The following IGF2R variants were observed in gnomAD, a reference collection of about 807,000 sequenced individuals.
IGF2R encodes the protein insulin like growth factor 2 receptor.
Under a neutral mutation model 270.6 loss-of-function variants are expected in IGF2R, and 91 were observed. That is an observed-to-expected ratio of 0.34 (90% CI 0.28 to 0.40). The LOEUF (loss-of-function observed/expected upper bound fraction) is 0.40, where lower values mean the gene tolerates loss of function less well. IGF2R is among the 10% of genes least tolerant of loss of function. The probability of loss-of-function intolerance (pLI) is 1.00; values close to 1 mark genes in which losing one functional copy is unlikely to be tolerated. For synonymous variants in IGF2R, 1,316 were observed against 1,258.9 expected (o/e 1.05, Z -0.96); for missense variants, 2,805 against 3,188.3 (o/e 0.88, Z 2.90).
At chr6:159,982,099 A>T (rs1401440348) in intron 1 of IGF2R, among the ~76,000 whole-genome samples, 1 of 152,200 alleles carries the variant, frequency 6.6e-6, no homozygotes, top group Non-Finnish European at 1.5e-5. Context: ...AGGAGTCTTC[A>T]TGCAAATCAG....
At chr6:160,099,881 C>G (rs913627225) in intron 45 of IGF2R, among the ~76,000 whole-genome samples, 3 of 152,100 alleles carry the variant, frequency 2.0e-5, no homozygotes, top group African/African-American at 7.2e-5. Context: ...AAAGTAAAAC[C>G]ATTTTCTTGA....
At chr6:160,058,173 G>A in intron 21 of IGF2R, 49 bp downstream of exon 21, 1 of 1,258,142 alleles carries the variant, frequency 7.9e-7, no homozygotes, top group African/African-American at 1.5e-5. Context: ...CAGGGGGAGA[G>A]TGCATTATTG....
In IGF2R at chr6:159,969,384, C is replaced by T. The variant is rs1203358390; in HGVS notation, c.138C>T (p.Pro46=). ...CGCAGGCCCAGGCCGCCCCGTTCCC[C>T]GAGCTGTGCAGGTGGGTGGCCCGCC... ...GSTQAQAAPF[P]ELCSYTWEAV... Residue 46 remains proline (P), a synonymous_variant, in exon 1 of 48, where the codon CCC becomes CCT. Coordinates refer to ENST00000356956, the MANE Select transcript of IGF2R (RefSeq NM_000876.4). 2 of 1,264,920 alleles carry T rather than the reference C, an allele frequency of 1.6e-6. No individual in the cohort carries two copies. Among genetic ancestry groups the T allele is most frequent in the East Asian group, 3.2e-5 (1 of 30,836 alleles). 78.4% of individuals were successfully genotyped at this position (1,264,920 alleles called of 1,614,324 possible).
intron 1 of IGF2R, among the ~76,000 whole-genome samples, chr6:159,978,932 T>C (rs1583238193): frequency 2.0e-5 from 3 of 152,226 alleles, no homozygotes; most frequent in African/African-American, 7.2e-5. Flanking sequence ...AAGCAGATCC[T>C]AGGAGTGTCG....
intron 7 of IGF2R, 146 bp from the exon 8 acceptor site, chr6:160,032,405 T>A: frequency 1.5e-6 from 1 of 646,960 alleles, no homozygotes. Context: ...TCTTAATGTG[T>A]TAGAGGCAAT....
chr6:160,102,515 G>C lies in IGF2R; in HGVS notation c.6843-4G>C, dbSNP rs201361700. ...ACGGCTCCTTTTCTGTGACGTCCTT[G>C]CAGGGTGGGCTTTGACAGCGAGAAT... is the stretch of plus-strand genomic sequence containing the variant. On this transcript the variant is annotated splice_region_variant and splice_polypyrimidine_tract_variant and intron_variant, in intron 45 of 47. Coordinates refer to ENST00000356956, the MANE Select transcript of IGF2R (RefSeq NM_000876.4). This position sits in a 1 kb window ranked among gnomAD's most constrained non-coding sequence, Gnocchi z 4.5. The C allele has an allele frequency of 6.2e-7, 1 of 1,611,118 alleles. No homozygotes were observed. The highest frequency in any genetic ancestry group is 8.5e-7 in the Non-Finnish European group (1 of 1,179,110).
chr6:160,100,717 A>C (rs147984890), intron 45 of IGF2R, among the ~76,000 whole-genome samples: 1 of 103,764 alleles, frequency 9.6e-6, no homozygotes, highest in Non-Finnish European at 2.0e-5. Context: ...GCAAGTCAGC[A>C]ATTTCCCTTT....
intron 27 of IGF2R, 108 bp downstream of exon 27, chr6:160,063,738 CTG>C: frequency 1.4e-6 from 1 of 711,284 alleles, no homozygotes; most frequent in Non-Finnish European, 2.3e-6. Flanking sequence ...GAGTGTTCTA[CTG>C]TAAAAAAAAA....
At chr6:160,083,757 A>G (rs1375803311) in intron 39 of IGF2R, among the ~76,000 whole-genome samples, 193 bp from the exon 40 acceptor site, 1 of 152,300 alleles carries the variant, frequency 6.6e-6, no homozygotes, top group African/African-American at 2.4e-5. Flanking sequence ...TACAACACAT[A>G]TTTTTGTGAG....
At position 160,043,295 on chromosome 6, in the gene IGF2R, T is replaced by A; in HGVS notation, c.1621+7T>A. On this transcript the variant is annotated splice_region_variant and intron_variant, in intron 12 of 47. Transcript: ENST00000356956. The stretch of plus-strand genomic sequence containing the variant: ...GCGGCAGTGTGTGCAGTGGGTGAGT[T>A]GTGCCTGGATGGAAGATCTAGGTGA... 1 of 1,611,034 alleles carries A rather than the reference T, an allele frequency of 6.2e-7. No individual in the cohort carries two copies. Among genetic ancestry groups the A allele is most frequent in the Non-Finnish European group, 8.5e-7 (1 of 1,178,538 alleles).
In IGF2R at chr6:160,105,325, G is replaced by T. The variant is rs952284021; in HGVS notation, c.*241G>T. 6.5e-6 allele frequency: 3 copies of T among 460,004 alleles called. No homozygotes were observed. Among genetic ancestry groups the T allele is most frequent in the Admixed American group, 3.9e-5 (1 of 25,634 alleles). The allele number at this position is 460,004 out of a possible 1,614,324, so 28.5% of individuals were successfully genotyped here. A position where few individuals can be genotyped will look rare whatever the true frequency, so the allele number is the denominator to read the frequency against. ...CACAGGGCGGTACCTTGTGCCCAGG[G>T]TTTTGCCCCAAGTCCTCATTTAAAA... On this transcript the variant is annotated 3_prime_UTR_variant, in exon 48 of 48. Transcript: ENST00000356956.
chr6:159,989,883 G>T (rs1195965046), intron 1 of IGF2R, among the ~76,000 whole-genome samples: 1 of 152,248 alleles, frequency 6.6e-6, no homozygotes, highest in African/African-American at 2.4e-5. Context: ...TGTTTTCACA[G>T]AACCGGGAAA....
intron 22 of IGF2R, among the ~76,000 whole-genome samples, chr6:160,059,491 AG>A (rs1778386919): frequency 6.6e-6 from 1 of 152,196 alleles, no homozygotes; most frequent in Non-Finnish European, 1.5e-5. Context: ...TAGTATATAT[AG>A]GGTTCTCAAT....
At chr6:159,983,821 A>G (rs200769664) in intron 1 of IGF2R, among the ~76,000 whole-genome samples, 1 of 152,214 alleles carries the variant, frequency 6.6e-6, no homozygotes, top group Non-Finnish European at 1.5e-5. Flanking sequence ...AGCTGCTTAC[A>G]TAGAAATAGC....
chr6:159,972,997 T>C (rs1021654697), intron 1 of IGF2R, among the ~76,000 whole-genome samples: 1 of 152,204 alleles, frequency 6.6e-6, no homozygotes, highest in African/African-American at 2.4e-5. Context: ...CAGGTATTTC[T>C]TGGGAGGTGA....
At chr6:160,002,105 A>G (rs1177016676) in intron 2 of IGF2R, among the ~76,000 whole-genome samples, 1 of 152,196 alleles carries the variant, frequency 6.6e-6, no homozygotes, top group Non-Finnish European at 1.5e-5. Flanking sequence ...TATTAAGAAA[A>G]TCAGGCCGGG....
chr6:160,048,350 T>C, intron 17 of IGF2R, 25 bp from the exon 18 acceptor site: 2 of 1,608,346 alleles, frequency 1.2e-6, no homozygotes, highest in East Asian at 4.5e-5. Context: ...TTTAAAAGCA[T>C]ATACATTTTG....
chr6:160,052,620 T>C (rs1412197519), intron 19 of IGF2R, among the ~76,000 whole-genome samples: 1 of 152,148 alleles, frequency 6.6e-6, no homozygotes, highest in African/African-American at 2.4e-5. Context: ...GAGCCCACAT[T>C]GCCAAGACAA....
At chr6:160,021,690 A>G (rs1205771102) in intron 4 of IGF2R, among the ~76,000 whole-genome samples, 2 of 152,108 alleles carry the variant, frequency 1.3e-5, no homozygotes, top group East Asian at 1.9e-4. Context: ...ACCATCTTAT[A>G]CCAGTCAAAA....
Sources: gnomAD v4.1 joint callset for allele counts (sites outside exome capture counted in the v4.1 genomes callset) on GRCh38, gnomAD v4.1.1 for gene constraint, Gnocchi (gnomAD v3.1) non-coding constraint, MANE v1.5 for transcripts, NCBI Gene and HGNC (gene_info 2026-07-23, HGNC 2026-07-21) for gene names.